CFAP43: variants seen among roughly 807,000 people sequenced by gnomAD.
CFAP43 encodes the protein cilia- and flagella-associated protein 43.
In CFAP43, 155 loss-of-function variants were observed where a neutral mutation model predicts 218.9. That is an observed-to-expected ratio of 0.71 (90% CI 0.62 to 0.81). The LOEUF is 0.81. CFAP43 is among the 30% of genes least tolerant of loss of function. The pLI is 0.00. For missense variants in CFAP43, 1,778 were observed against 1,954.3 expected, an observed-to-expected ratio of 0.91 and a Z score of 1.70; for synonymous variants, 645 against 681.3, an observed-to-expected ratio of 0.95 and a Z score of 0.83.
chr10:104,229,897 GA>G (rs996914991), intron 2 of CFAP43, among the ~76,000 whole-genome samples: 2 of 151,566 alleles, frequency 1.3e-5, no homozygotes, highest in African/African-American at 2.4e-5. Flanking sequence ...TATTAGGAAA[GA>G]AAAAAAAGTC....
At chr10:104,202,615 C>T (rs1022157225) in intron 8 of CFAP43, among the ~76,000 whole-genome samples, 2 of 152,078 alleles carry the variant, frequency 1.3e-5, no homozygotes, top group African/African-American at 2.4e-5. Flanking sequence ...GATCTATCTT[C>T]GAATTCATTT....
chr10:104,161,041 C>T lies in CFAP43; in HGVS notation c.3536G>A (p.Arg1179Lys). 6.2e-7 allele frequency: 1 copy of T among 1,606,292 alleles called. No homozygotes were observed. Among genetic ancestry groups the T allele is most frequent in the Non-Finnish European group, 8.5e-7 (1 of 1,173,880 alleles). ...KELNEERDKY[R>K]KSLEAELKKL... ...TTAATTATTTGCTCTTCTGACCTTT[C>T]TATACTTATCTCTTTCTTCATTTAA... The change falls in exon 27 of 38, where the codon AGA becomes AAA. Residue 1179 changes from arginine to lysine, a missense_variant. Arg to Lys is a conservative substitution (Grantham distance 26, BLOSUM62 2). This residue lies in a region of CFAP43 where 1,553 missense variants were observed against 1,685.2 expected (regional missense o/e 0.92). Coordinates refer to ENST00000357060, the MANE Select transcript of CFAP43 (RefSeq NM_025145.7).
intron 22 of CFAP43, among the ~76,000 whole-genome samples, chr10:104,167,184 T>C (rs1441180517): frequency 3.9e-5 from 6 of 152,190 alleles, no homozygotes; most frequent in African/African-American, 1.4e-4. Context: ...GCAGTGTTTT[T>C]TTAGTGGTTT....
chr10:104,146,350 C>G lies in CFAP43; in HGVS notation c.3769-1G>C. ...TCCGAACAGCTTCTGAAGTCTGGCT[C>G]TATAACAGCATCAGGAATAGTTGAT... On this transcript the variant is annotated splice_acceptor_variant, in intron 29 of 37. Transcript: ENST00000357060. LOFTEE classifies it high-confidence loss of function. The G allele has an allele frequency of 6.2e-7, 1 of 1,612,550 alleles. No homozygotes were observed. Among genetic ancestry groups the G allele is most frequent in the Admixed American group, 1.7e-5 (1 of 59,998 alleles).
In CFAP43 at chr10:104,232,347, T is replaced by C. The variant is rs938708364; in HGVS notation, c.-101A>G. 5.8e-6 allele frequency: 7 copies of C among 1,204,358 alleles called. No individual in the cohort carries two copies. Among genetic ancestry groups the C allele is most frequent in the South Asian group, 3.1e-5 (2 of 64,346 alleles). 74.6% of individuals were successfully genotyped at this position (1,204,358 alleles called of 1,614,324 possible). A position where few individuals can be genotyped will look rare whatever the true frequency, so the allele number is the denominator to read the frequency against. On this transcript the variant is annotated 5_prime_UTR_variant, in exon 1 of 38. Coordinates refer to ENST00000357060, the MANE Select transcript of CFAP43 (RefSeq NM_025145.7). ...GCGGGGCTGCGGGCCGCGACGCCGC[T>C]GCTGTGTACACCCGTATCCCGGAGA...
At position 104,174,068 on chromosome 10, in the gene CFAP43, AT is replaced by A. The variant is rs1360216649; in HGVS notation, c.2461-1534del. Among the ~76,000 whole-genome samples the A allele has an allele frequency of 2.6e-5, 4 of 152,366 alleles. No individual in the cohort carries two copies. The East Asian group carries it at 7.7e-4, about 29-fold the overall frequency. On this transcript the variant is annotated intron_variant, in intron 19 of 37. Coordinates refer to ENST00000357060, the MANE Select transcript of CFAP43 (RefSeq NM_025145.7). ...GAGAGAAATATGTTATTTTCAAAAGATATGATAGTCTACCTAGATAATCTAA... is the reference window on the plus strand; with the variant it reads ...GAGAGAAATATGTTATTTTCAAAAGAATGATAGTCTACCTAGATAATCTAA...
chr10:104,190,554 A>G (rs1367627130), intron 12 of CFAP43, among the ~76,000 whole-genome samples: 2 of 152,180 alleles, frequency 1.3e-5, no homozygotes, highest in Non-Finnish European at 1.5e-5. Flanking sequence ...ACATATCCCG[A>G]TTTCCAAACT....
chr10:104,151,430 A>C (rs1015493792), intron 28 of CFAP43, among the ~76,000 whole-genome samples: 2 of 152,146 alleles, frequency 1.3e-5, no homozygotes, highest in Non-Finnish European at 2.9e-5. Context: ...CTTTAGTAGT[A>C]GCCATTCTGA....
chr10:104,161,931 AC>A, intron 26 of CFAP43, 29 bp downstream of exon 26: 1 of 1,597,608 alleles, frequency 6.3e-7, no homozygotes. Flanking sequence ...ACCCCATTCC[AC>A]CTTCTATAAG....
At chr10:104,193,824 G>A (rs373673976) in intron 11 of CFAP43, 42 bp downstream of exon 11, 22 of 1,586,112 alleles carry the variant, frequency 1.4e-5, no homozygotes, top group African/African-American at 5.4e-5. Flanking sequence ...TTCAACAGAC[G>A]GGTGTGACAC....
chr10:104,228,120 G>A (rs974526902), intron 2 of CFAP43, among the ~76,000 whole-genome samples: 5 of 152,028 alleles, frequency 3.3e-5, no homozygotes, highest in African/African-American at 1.2e-4. Context: ...GGGATTACAG[G>A]CGTGAGCCAC....
At chr10:104,219,126 A>C (rs2091107039) in intron 3 of CFAP43, among the ~76,000 whole-genome samples, 2 of 147,930 alleles carry the variant, frequency 1.4e-5, no homozygotes, top group Admixed American at 6.8e-5. Flanking sequence ...TGCCTCCCCT[A>C]AATTCCCTGC....
rs575451011 is a variant in CFAP43 at position 104,161,949 on chromosome 10, C to G, written c.3414+12G>C. ...CCATTCCACCTTCTATAAGGATGAACAGAAATATCACCATTCTCAAAATAT... is the reference window on the plus strand; with the variant it reads ...CCATTCCACCTTCTATAAGGATGAAGAGAAATATCACCATTCTCAAAATAT... On this transcript the variant is annotated intron_variant, in intron 26 of 37. Transcript: ENST00000357060. 86 of 1,610,610 alleles carry G rather than the reference C, an allele frequency of 5.3e-5. 2 individuals carry two copies. The South Asian group carries it at 9.0e-4, about 17-fold the overall frequency.
chr10:104,185,571 G>C (rs1166650916), intron 15 of CFAP43, among the ~76,000 whole-genome samples: 1 of 152,130 alleles, frequency 6.6e-6, no homozygotes, highest in African/African-American at 2.4e-5. Context: ...CGGGCACTGT[G>C]AAGAATGGAA....
Position 104,230,806 on chromosome 10 carries a change from C to T in CFAP43, c.103G>A (p.Val35Ile), listed in dbSNP as rs1397857951. The T allele has an allele frequency of 6.2e-7, 1 of 1,613,168 alleles. No individual in the cohort carries two copies. Among genetic ancestry groups the T allele is most frequent in the Non-Finnish European group, 8.5e-7 (1 of 1,179,844 alleles). The change falls in exon 2 of 38, where the codon GTC becomes ATC. Residue 35 changes from valine (V) to isoleucine (I), a missense_variant. By Grantham distance (29) the Val-to-Ile change is conservative. Around this residue, in one of 3 missense-constraint regions of CFAP43, gnomAD observed 1,553 missense variants for 1,685.2 expected, o/e 0.92. Coordinates refer to ENST00000357060, the MANE Select transcript of CFAP43 (RefSeq NM_025145.7). The stretch of plus-strand genomic sequence containing the variant: ...GGGTAGCAAATGGTGTTGTCGTTGA[C>T]AAAATGAACATTCTGCTTAGGGAAT... The part of the protein sequence containing the change: ...QGFPKQNVHF[V>I]NDNTICYPCG...
At chr10:104,151,838 G>T (rs2088274900) in intron 28 of CFAP43, among the ~76,000 whole-genome samples, 1 of 152,114 alleles carries the variant, frequency 6.6e-6, no homozygotes, top group South Asian at 2.1e-4. Flanking sequence ...ATATTGCATA[G>T]GTTGTCTCCC....
rs373224844 is a variant in CFAP43 at position 104,148,041 on chromosome 10, C to T, written c.3661-43G>A. ...AAAAAGGTTGGTGGAATTACTTCCA[C>T]CTGAGACAATATTTTCTATAGACTT... On this transcript the variant is annotated intron_variant, in intron 28 of 37. Coordinates refer to ENST00000357060, the MANE Select transcript of CFAP43 (RefSeq NM_025145.7). 2.9e-5 allele frequency: 38 copies of T among 1,297,238 alleles called. 1 individual carries two copies. The African/African-American group carries it at 4.6e-4, about 16-fold the overall frequency. The allele number at this position is 1,297,238 out of a possible 1,614,324, so 80.4% of individuals were successfully genotyped here.
At chr10:104,147,853 G>A in intron 29 of CFAP43, 38 bp downstream of exon 29, 2 of 1,451,748 alleles carry the variant, frequency 1.4e-6, no homozygotes, top group Non-Finnish European at 1.9e-6. Flanking sequence ...ATGTCTATCA[G>A]AAAATGCTTG....
At chr10:104,183,306 C>G (rs1294279554) in intron 16 of CFAP43, among the ~76,000 whole-genome samples, 5 of 152,050 alleles carry the variant, frequency 3.3e-5, no homozygotes, top group African/African-American at 1.2e-4. Context: ...GACCCCCTAC[C>G]TTAAGTAACA....
Sources: gnomAD v4.1 joint callset for allele counts (sites outside exome capture counted in the v4.1 genomes callset) on GRCh38, gnomAD v4.1.1 for gene constraint, gnomAD v4.1.1 regional missense constraint, MANE v1.5 for transcripts, NCBI Gene and HGNC (gene_info 2026-07-23, HGNC 2026-07-21) for gene names.